The following TUBGCP3 variants were observed in gnomAD, a reference collection of about 807,000 sequenced individuals.
TUBGCP3 encodes tubulin gamma complex component 3.
In TUBGCP3, 50 loss-of-function variants were observed where a neutral mutation model predicts 123.1. The observed-to-expected ratio is 0.41, with a 90% CI of 0.32 to 0.51. The LOEUF (loss-of-function observed/expected upper bound fraction) is 0.51, where lower values mean the gene tolerates loss of function less well. Ranked by LOEUF, TUBGCP3 falls within the 20% of genes least tolerant of loss-of-function variation. TUBGCP3 has a pLI of 0.36. For synonymous variants in TUBGCP3, 405 were observed against 413.9 expected, an observed-to-expected ratio of 0.98 and a Z score of 0.26; for missense variants, 882 against 1,127.0, an observed-to-expected ratio of 0.78 and a Z score of 3.11.
At chr13:112,588,644 A>T (rs1882798621), upstream of TUBGCP3, among the ~76,000 whole-genome samples, 1 of 152,152 alleles carries the variant, frequency 6.6e-6, no homozygotes, top group South Asian at 2.1e-4. Context: ...CTGGGAAAAT[A>T]AATTAATCAC....
At chr13:112,581,866 G>A (rs1461950462) in intron 1 of TUBGCP3, among the ~76,000 whole-genome samples, 1 of 152,110 alleles carries the variant, frequency 6.6e-6, no homozygotes, top group Non-Finnish European at 1.5e-5. Context: ...ACTCTTCAAT[G>A]CCAGAAACAC....
chr13:112,561,130 C>T (rs1254447431), intron 3 of TUBGCP3, among the ~76,000 whole-genome samples: 1 of 152,200 alleles, frequency 6.6e-6, no homozygotes, highest in African/African-American at 2.4e-5. Context: ...CATCACTGCA[C>T]AAGTGACGAA....
At chr13:112,594,794 G>A in the TUBGCP3 span, among the ~76,000 whole-genome samples, 64 of 152,226 alleles carry the variant, frequency 4.2e-4, no homozygotes, top group Middle Eastern at 0.02. Context: ...GTACTTTTAC[G>A]TATTTCTCTT....
chr13:112,590,114 C>T (rs996235355), upstream of TUBGCP3, among the ~76,000 whole-genome samples: 7 of 151,904 alleles, frequency 4.6e-5, no homozygotes, highest in Admixed American at 4.6e-4. Flanking sequence ...CTAGCTGGGA[C>T]TACAGGCACC....
chr13:112,588,933 A>C (rs556737118), upstream of TUBGCP3, among the ~76,000 whole-genome samples: 1 of 152,380 alleles, frequency 6.6e-6, no homozygotes, highest in East Asian at 1.9e-4. Context: ...GCCTGGGTCC[A>C]GCTCAGGTTG....
chr13:112,584,722 A>C (rs1378968981), intron 1 of TUBGCP3, among the ~76,000 whole-genome samples: 1 of 152,256 alleles, frequency 6.6e-6, no homozygotes, highest in Non-Finnish European at 1.5e-5. Context: ...CTCTTTATGT[A>C]TTCTTTACCT....
intron 13 of TUBGCP3, among the ~76,000 whole-genome samples, chr13:112,525,974 A>T (rs2139084953): frequency 6.6e-6 from 1 of 152,304 alleles, no homozygotes; most frequent in South Asian, 2.1e-4. Flanking sequence ...ATCAGAGAGT[A>T]ATTCTAATAA....
At chr13:112,570,471 T>G (rs537601602) in intron 1 of TUBGCP3, among the ~76,000 whole-genome samples, 1 of 152,332 alleles carries the variant, frequency 6.6e-6, no homozygotes, top group East Asian at 1.9e-4. Context: ...TGTGGTCTGT[T>G]AAGTGTGGAA....
chr13:112,515,468 T>C (rs962346337), intron 17 of TUBGCP3, among the ~76,000 whole-genome samples: 4 of 152,146 alleles, frequency 2.6e-5, no homozygotes, highest in Admixed American at 6.5e-5. Context: ...TCCGCAACAG[T>C]GGCGAGAAGG....
At position 112,554,053 on chromosome 13, in the gene TUBGCP3, G is replaced by A. The variant is rs779712243; in HGVS notation, c.966+4C>T. The A allele has an allele frequency of 2.8e-5, 45 of 1,608,740 alleles. No homozygotes were observed. Among genetic ancestry groups the A allele is most frequent in the African/African-American group, 5.4e-5 (4 of 74,536 alleles). ...TCCCAGCATCCTAGGAACCATGAAC[G>A]CACCTGCCCGACGAGTCCGAATGAG... is the stretch of plus-strand genomic sequence containing the variant. On this transcript the variant is annotated splice_donor_region_variant and intron_variant, in intron 8 of 21. Coordinates refer to ENST00000261965, the MANE Select transcript of TUBGCP3 (RefSeq NM_006322.6).
chr13:112,554,156 G>A lies in TUBGCP3; in HGVS notation c.867C>T (p.Asp289=). ...GKANLSRSLR[D]TAVRLSELGW... ...CCAACTCAGAAAGCCTGACTGCTGT[G>A]TCTCTCAAAGACCTACTTAGATTTG... The change falls in exon 8 of 22, where the codon GAC becomes GAT. Residue 289 remains aspartate, a synonymous_variant. Transcript: ENST00000261965. 6.2e-7 allele frequency: 1 copy of A among 1,614,154 alleles called. No individual in the cohort carries two copies. The highest frequency in any genetic ancestry group is 1.1e-5 in the South Asian group (1 of 91,088).
chr13:112,532,224 A>T (rs975835947), intron 11 of TUBGCP3, among the ~76,000 whole-genome samples: 1 of 152,218 alleles, frequency 6.6e-6, no homozygotes, highest in African/African-American at 2.4e-5. Flanking sequence ...TACAGGGTAA[A>T]CTTATAATTA....
intron 1 of TUBGCP3, among the ~76,000 whole-genome samples, chr13:112,581,967 T>C (rs1036332008): frequency 6.6e-6 from 1 of 152,210 alleles, no homozygotes; most frequent in Non-Finnish European, 1.5e-5. Context: ...TGAGTCTCCC[T>C]GTCCTCTTAC....
At chr13:112,575,647 C>G (rs779312383) in intron 1 of TUBGCP3, among the ~76,000 whole-genome samples, 2 of 152,252 alleles carry the variant, frequency 1.3e-5, no homozygotes, top group African/African-American at 2.4e-5. Flanking sequence ...AAACAACACA[C>G]GCTCTTTTCA....
Position 112,519,958 on chromosome 13 carries a change from G to T in TUBGCP3, c.1809C>A (p.Thr603=). The T allele has an allele frequency of 6.2e-7, 1 of 1,613,990 alleles. No individual in the cohort carries two copies. The highest frequency in any genetic ancestry group is 8.5e-7 in the Non-Finnish European group (1 of 1,179,868). The part of the protein sequence containing the change: ...YQHNLTGILE[T]AVRATNAQFD... ...ACTGTGCGTTGGTGGCTCTGACAGC[G>T]GTTTCTAGAATTCCAGTCAAGTTAT... The change falls in exon 15 of 22, where the codon ACC becomes ACA. Residue 603 remains threonine (T), a synonymous_variant. Transcript: ENST00000261965. This position sits in a 1 kb window ranked among gnomAD's most constrained non-coding sequence, Gnocchi z 6.2.
intron 19 of TUBGCP3, among the ~76,000 whole-genome samples, chr13:112,502,267 G>A (rs1043761135): frequency 1.3e-5 from 2 of 152,188 alleles, no homozygotes; most frequent in Admixed American, 6.5e-5. Context: ...CTCCACCCTC[G>A]GTCTACCTGG....
At chr13:112,487,210 A>G (rs1307208032) in intron 21 of TUBGCP3, among the ~76,000 whole-genome samples, 2 of 152,162 alleles carry the variant, frequency 1.3e-5, no homozygotes, top group African/African-American at 2.4e-5. Context: ...ACTGAAATAC[A>G]ACGGTCTGTG....
At chr13:112,552,243 T>G (rs1879649134) in intron 8 of TUBGCP3, among the ~76,000 whole-genome samples, 1 of 152,264 alleles carries the variant, frequency 6.6e-6, no homozygotes, top group Non-Finnish European at 1.5e-5. Context: ...TTATCCTGTA[T>G]TGATTTTGTG....
intron 13 of TUBGCP3, among the ~76,000 whole-genome samples, chr13:112,525,681 C>G (rs1445591477): frequency 6.6e-6 from 1 of 152,222 alleles, no homozygotes; most frequent in Non-Finnish European, 1.5e-5. Flanking sequence ...GGGAAAGCCT[C>G]AGCACTTCCC....
Sources: allele counts gnomAD v4.1 joint callset (sites outside exome capture counted in the v4.1 genomes callset), GRCh38; gene constraint gnomAD v4.1.1; non-coding constraint Gnocchi (gnomAD v3.1); transcripts MANE v1.5; gene names NCBI Gene and HGNC (gene_info 2026-07-23, HGNC 2026-07-21).